The following CHSY3 variants were observed in gnomAD, a reference collection of about 807,000 sequenced individuals.
The protein encoded by CHSY3 is N-acetylgalactosaminyl-proteoglycan 3-beta-glucuronosyltransferase 3.
A neutral mutation model predicts 67.2 loss-of-function variants in CHSY3; 35 were observed. The observed-to-expected ratio is 0.52, with a 90% CI of 0.40 to 0.69. The LOEUF is 0.69. Ranked by LOEUF, CHSY3 falls within the 30% of genes least tolerant of loss-of-function variation. The pLI is 0.00. For missense variants in CHSY3, 1,069 were observed against 1,138.5 expected (o/e 0.94, Z 0.88); for synonymous variants, 474 against 434.7 (o/e 1.09, Z -1.12).
At chr5:130,012,856 C>T (rs1764108040) in intron 2 of CHSY3, among the ~76,000 whole-genome samples, 1 of 151,996 alleles carries the variant, frequency 6.6e-6, no homozygotes, top group African/African-American at 2.4e-5. Context: ...TCCCAAAAGT[C>T]CCCCAAAAAG....
At chr5:129,916,714 T>A (rs1489530514) in intron 2 of CHSY3, among the ~76,000 whole-genome samples, 1 of 152,216 alleles carries the variant, frequency 6.6e-6, no homozygotes, top group Non-Finnish European at 1.5e-5. Flanking sequence ...AATGATTTTA[T>A]TTGCTCAAAT....
intron 2 of CHSY3, chr5:130,001,832 A>T: frequency 1.2e-6 from 1 of 854,294 alleles, no homozygotes; most frequent in Non-Finnish European, 1.4e-6. Flanking sequence ...TTTTCCTGTA[A>T]CTGACATTCA....
At chr5:130,040,296 C>T (rs993891333) in intron 2 of CHSY3, among the ~76,000 whole-genome samples, 1 of 152,092 alleles carries the variant, frequency 6.6e-6, no homozygotes, top group Non-Finnish European at 1.5e-5. Context: ...CACGTGAAGA[C>T]AAATCACAGG....
intron 2 of CHSY3, among the ~76,000 whole-genome samples, chr5:130,094,119 A>G (rs1292300481): frequency 6.6e-6 from 1 of 152,166 alleles, no homozygotes; most frequent in Non-Finnish European, 1.5e-5. Context: ...AATCTTTGAC[A>G]AGTACTGGAT....
chr5:130,085,582 T>C (rs899937594), intron 2 of CHSY3, among the ~76,000 whole-genome samples: 4 of 152,184 alleles, frequency 2.6e-5, no homozygotes, highest in Non-Finnish European at 4.4e-5. Context: ...ATTAATTTTT[T>C]GAAGGGTTTT....
At chr5:129,977,879 A>C (rs1762861838) in intron 2 of CHSY3, among the ~76,000 whole-genome samples, 1 of 152,074 alleles carries the variant, frequency 6.6e-6, no homozygotes, top group Non-Finnish European at 1.5e-5. Flanking sequence ...AAAAAAAAAA[A>C]AAAACTAATA....
intron 2 of CHSY3, among the ~76,000 whole-genome samples, chr5:129,917,687 A>T (rs1442437468): frequency 6.6e-6 from 1 of 152,194 alleles, no homozygotes; most frequent in Non-Finnish European, 1.5e-5. Flanking sequence ...GATAATGTTG[A>T]TTGGATAGGT....
rs552990008 is a variant in CHSY3, at chr5:129,992,525, T to C, written c.1086+84165T>C. 2.6e-5 allele frequency among the ~76,000 whole-genome samples: 4 copies of C among 152,264 alleles called. No individual in the cohort carries two copies. The South Asian group carries it at 6.2e-4, about 24-fold the overall frequency. ...ACTGGCACTCTCCAGTACTTAAAAA[T>C]TTTATTTTATGTTCTTAAACACATT... On this transcript the variant is annotated intron_variant, in intron 2 of 2. Transcript: ENST00000305031.
intron 2 of CHSY3, among the ~76,000 whole-genome samples, chr5:130,153,301 A>G (rs1225424705): frequency 1.3e-5 from 2 of 149,226 alleles, no homozygotes; most frequent in African/African-American, 2.5e-5. Context: ...CATTCTTGAG[A>G]AAAAAAAAAC....
At chr5:129,962,878 A>G (rs1409732351) in intron 2 of CHSY3, among the ~76,000 whole-genome samples, 2 of 151,934 alleles carry the variant, frequency 1.3e-5, no homozygotes, top group African/African-American at 2.4e-5. Context: ...GTTAGAACAC[A>G]TGGGTTGTGA....
intron 2 of CHSY3, among the ~76,000 whole-genome samples, chr5:129,997,753 C>A (rs1297928204): frequency 6.6e-6 from 1 of 152,000 alleles, no homozygotes; most frequent in Non-Finnish European, 1.5e-5. Flanking sequence ...TGAGAACATG[C>A]GGTGTTTGAT....
chr5:130,042,958 G>A (rs1174879170), intron 2 of CHSY3, among the ~76,000 whole-genome samples: 1 of 152,130 alleles, frequency 6.6e-6, no homozygotes, highest in Non-Finnish European at 1.5e-5. Flanking sequence ...AACTGGGATA[G>A]CAAAGTTGGG....
At chr5:130,179,741 TA>T (rs1770190377) in intron 2 of CHSY3, among the ~76,000 whole-genome samples, 1 of 151,058 alleles carries the variant, frequency 6.6e-6, no homozygotes, top group African/African-American at 2.4e-5. Flanking sequence ...TTTTTTTTTT[TA>T]TACTTTGTGT....
At chr5:130,003,911 C>T (rs548788221) in intron 2 of CHSY3, among the ~76,000 whole-genome samples, 2 of 152,216 alleles carry the variant, frequency 1.3e-5, no homozygotes, top group African/African-American at 4.8e-5. Context: ...CAGCGTTTAT[C>T]ATGTATTTTG....
intron 2 of CHSY3, among the ~76,000 whole-genome samples, chr5:129,933,000 C>G (rs1197589898): frequency 6.6e-6 from 1 of 152,048 alleles, no homozygotes; most frequent in Non-Finnish European, 1.5e-5. Flanking sequence ...TAATAGATCC[C>G]CTACCTTTCC....
Position 129,957,650 on chromosome 5 carries a change from A to AT in CHSY3, c.1086+49295dup, listed in dbSNP as rs1561472747. ...TGAAGATATGGATCAACTGTGTTCTATTTTTCACTGTGATATTGAAATATT... is the reference window on the plus strand; with the variant it reads ...TGAAGATATGGATCAACTGTGTTCTATTTTTTCACTGTGATATTGAAATATT... On this transcript the variant is annotated intron_variant, in intron 2 of 2. Transcript: ENST00000305031. 2.0e-5 allele frequency among the ~76,000 whole-genome samples: 3 copies of AT among 152,016 alleles called. No individual in the cohort carries two copies. In the South Asian group the frequency reaches 6.2e-4, roughly 31 times the overall value.
chr5:129,976,066 C>G lies in CHSY3; in HGVS notation c.1086+67706C>G, dbSNP rs114868548. Among the ~76,000 whole-genome samples the G allele has an allele frequency of 4.1e-3, 624 of 152,120 alleles. 4 individuals are homozygous for G. Among genetic ancestry groups the G allele is most frequent in the African/African-American group, 0.014 (593 of 41,528 alleles). ...ATAAATAAATAAAAATAAAATAAAA[C>G]CAGTTTTATTCAAGAAGATCAGCTG... On this transcript the variant is annotated intron_variant, in intron 2 of 2. Coordinates refer to ENST00000305031, the MANE Select transcript of CHSY3 (RefSeq NM_175856.5).
intron 2 of CHSY3, among the ~76,000 whole-genome samples, chr5:130,149,446 G>T (rs890771921): frequency 6.6e-6 from 1 of 152,114 alleles, no homozygotes; most frequent in Non-Finnish European, 1.5e-5. Context: ...GAGAATGGGG[G>T]ACGGGAGGTG....
At chr5:130,026,863 T>C (rs1447048770) in intron 2 of CHSY3, among the ~76,000 whole-genome samples, 1 of 152,146 alleles carries the variant, frequency 6.6e-6, no homozygotes, top group Non-Finnish European at 1.5e-5. Flanking sequence ...TTTACTTTTC[T>C]GTAATTTGAG....
Sources: gnomAD v4.1 joint callset for allele counts (sites outside exome capture counted in the v4.1 genomes callset) on GRCh38, gnomAD v4.1.1 for gene constraint, MANE v1.5 for transcripts, NCBI Gene and HGNC (gene_info 2026-07-23, HGNC 2026-07-21) for gene names.